The following NKAIN3 variants were observed in gnomAD, a reference collection of about 807,000 sequenced individuals.
The protein encoded by NKAIN3 is sodium/potassium-transporting ATPase subunit beta-1-interacting protein 3.
In NKAIN3, 25 loss-of-function variants were observed where a neutral mutation model predicts 30.2. That is an observed-to-expected ratio of 0.83 (90% CI 0.60 to 1.16). NKAIN3 has a LOEUF of 1.16. Ranked by LOEUF, NKAIN3 falls within the 50% of genes most tolerant of loss-of-function variation. The probability of loss-of-function intolerance (pLI) is 0.00; values close to 1 mark genes in which losing one functional copy is unlikely to be tolerated. For missense variants in NKAIN3, 225 were observed against 254.1 expected (o/e 0.89, Z 0.78); for synonymous variants, 91 against 89.6 (o/e 1.02, Z -0.09).
chr8:62,738,691 AATTT>A (rs1447005174), intron 3 of NKAIN3, among the ~76,000 whole-genome samples: 4 of 151,584 alleles, frequency 2.6e-5, no homozygotes, highest in African/African-American at 7.3e-5. Flanking sequence ...TTTTCTTGTA[AATTT>A]ATTTAAGTTC....
At chr8:62,291,073 T>C (rs1478943758) in intron 1 of NKAIN3, among the ~76,000 whole-genome samples, 1 of 152,230 alleles carries the variant, frequency 6.6e-6, no homozygotes, top group African/African-American at 2.4e-5. Context: ...TTCTGTGGGA[T>C]CAGTGGTGAT....
chr8:62,530,729 C>G (rs746474159), intron 1 of NKAIN3, among the ~76,000 whole-genome samples: 1 of 152,064 alleles, frequency 6.6e-6, no homozygotes, highest in Non-Finnish European at 1.5e-5. Context: ...ACCTCCGCCT[C>G]CCAGATTCAA....
intron 1 of NKAIN3, among the ~76,000 whole-genome samples, chr8:62,290,038 C>A (rs1585638820): frequency 1.3e-5 from 2 of 152,176 alleles, no homozygotes; most frequent in East Asian, 1.9e-4. Flanking sequence ...ATTTGGCTCT[C>A]TGTTTGTCTG....
At position 62,889,319 on chromosome 8, in the gene NKAIN3, G is replaced by A. The variant is rs560139149; in HGVS notation, c.472-29134G>A. On this transcript the variant is annotated intron_variant, in intron 4 of 6. Transcript: ENST00000623646. ...TGGGAGGCGGAGGTTACAGTGAGCC[G>A]AGATCATGCCATTGCACTCCAGCCT... Among the ~76,000 whole-genome samples, 23 of 152,058 alleles carry A rather than the reference G, an allele frequency of 1.5e-4. No homozygotes were observed. The South Asian group carries it at 2.7e-3, about 18-fold the overall frequency.
chr8:62,914,838 C>A (rs948169190), intron 4 of NKAIN3, among the ~76,000 whole-genome samples: 1 of 143,430 alleles, frequency 7.0e-6, no homozygotes, highest in Non-Finnish European at 1.5e-5. Flanking sequence ...GCAGAACATG[C>A]AGGTTTCTTA....
rs1817179049 is a variant in NKAIN3 at position 62,378,817 on chromosome 8, G to C, written c.54+129690G>C. ...GGAGAACCTCTGCTAGTGCCATGCA[G>C]AAGGGAAATGTGAGTTCAGAGCCCC... On this transcript the variant is annotated intron_variant, in intron 1 of 6. Transcript: ENST00000623646. Among the ~76,000 whole-genome samples, 3 of 152,178 alleles carry C rather than the reference G, an allele frequency of 2.0e-5. 1 individual carries two copies. The South Asian group carries it at 6.2e-4, about 32-fold the overall frequency.
intron 1 of NKAIN3, among the ~76,000 whole-genome samples, chr8:62,537,139 C>G (rs1403773458): frequency 6.6e-6 from 1 of 152,114 alleles, no homozygotes; most frequent in Non-Finnish European, 1.5e-5. Flanking sequence ...TGAATAAGGA[C>G]AAAGTACTAA....
chr8:62,834,056 C>A (rs1819281525), intron 4 of NKAIN3, among the ~76,000 whole-genome samples: 2 of 152,048 alleles, frequency 1.3e-5, no homozygotes, highest in African/African-American at 4.8e-5. Flanking sequence ...TACCACATAA[C>A]AGAATGAAAA....
intron 1 of NKAIN3, among the ~76,000 whole-genome samples, chr8:62,460,769 A>G (rs1317961535): frequency 6.6e-6 from 1 of 152,184 alleles, no homozygotes; most frequent in Non-Finnish European, 1.5e-5. Context: ...TCTGTACTTG[A>G]CATTACTCAG....
At chr8:62,588,634 A>G (rs1381050754) in intron 2 of NKAIN3, among the ~76,000 whole-genome samples, 1 of 151,860 alleles carries the variant, frequency 6.6e-6, no homozygotes, top group Non-Finnish European at 1.5e-5. Flanking sequence ...TTATAATTCT[A>G]TTGTTTGGCA....
chr8:62,614,760 A>C (rs1245134428), intron 3 of NKAIN3, among the ~76,000 whole-genome samples: 1 of 152,098 alleles, frequency 6.6e-6, no homozygotes, highest in Non-Finnish European at 1.5e-5. Flanking sequence ...CCAAAGGCAG[A>C]GGGGCTTCAT....
chr8:62,717,501 GT>G (rs906240128), intron 3 of NKAIN3, among the ~76,000 whole-genome samples: 1,718 of 144,612 alleles, frequency 0.012, 25 homozygotes, highest in African/African-American at 0.036. Flanking sequence ...GTAATTAAGG[GT>G]TTTTTTTTTT....
intron 5 of NKAIN3, among the ~76,000 whole-genome samples, chr8:62,941,443 A>G (rs1822951045): frequency 6.6e-6 from 1 of 152,048 alleles, no homozygotes. Flanking sequence ...AAAGGATACA[A>G]CAACAATAAC....
rs1230304614 is a variant in NKAIN3 at position 62,345,592 on chromosome 8, CATATATACACAT to C, written c.54+96470_54+96481del. On this transcript the variant is annotated intron_variant, in intron 1 of 6. Transcript: ENST00000623646. ...ATATACACATATATGTATATACACA[CATATATACACAT>C]ATATGTATATACACACATATATATA... Among the ~76,000 whole-genome samples, 3 of 124,588 alleles carry C rather than the reference CATATATACACAT, an allele frequency of 2.4e-5. No individual in the cohort carries two copies. The East Asian group carries it at 7.2e-4, about 30-fold the overall frequency. The allele number at this position is 124,588 out of a possible 152,430, so 81.7% of individuals were successfully genotyped here.
chr8:62,329,317 T>C (rs1815256663), intron 1 of NKAIN3, among the ~76,000 whole-genome samples: 2 of 152,130 alleles, frequency 1.3e-5, no homozygotes, highest in Admixed American at 1.3e-4. Flanking sequence ...AATACAGAGA[T>C]ACATGCATGA....
At chr8:62,363,697 C>T (rs1816635038) in intron 1 of NKAIN3, among the ~76,000 whole-genome samples, 1 of 152,126 alleles carries the variant, frequency 6.6e-6, no homozygotes, top group Non-Finnish European at 1.5e-5. Context: ...ATAATTTATA[C>T]TTGGAGTGAC....
chr8:62,265,395 A>G (rs1258178231), intron 1 of NKAIN3, among the ~76,000 whole-genome samples: 2 of 152,202 alleles, frequency 1.3e-5, no homozygotes, highest in Non-Finnish European at 2.9e-5. Flanking sequence ...AGATCTGTAG[A>G]ATAGAGTAGA....
intron 1 of NKAIN3, among the ~76,000 whole-genome samples, chr8:62,433,583 C>A (rs942719094): frequency 6.6e-6 from 1 of 152,046 alleles, no homozygotes; most frequent in Non-Finnish European, 1.5e-5. Context: ...ATTTAGATAT[C>A]TATTACACTT....
At chr8:62,385,331 G>A (rs1029398540) in intron 1 of NKAIN3, among the ~76,000 whole-genome samples, 1 of 152,102 alleles carries the variant, frequency 6.6e-6, no homozygotes, top group African/African-American at 2.4e-5. Flanking sequence ...TGAAGATTTG[G>A]AAGCCTATGG....
Sources: allele counts gnomAD v4.1 joint callset (sites outside exome capture counted in the v4.1 genomes callset), GRCh38; gene constraint gnomAD v4.1.1; transcripts MANE v1.5; gene names NCBI Gene and HGNC (gene_info 2026-07-23, HGNC 2026-07-21).